Variants in LRP1B observed in about 807,000 individuals in gnomAD.
The protein encoded by LRP1B is LDL receptor related protein 1B.
Under a neutral mutation model 556.6 loss-of-function variants are expected in LRP1B, and 217 were observed. The ratio of observed to expected loss-of-function variants is 0.39; its 90% confidence interval spans 0.35 to 0.44. The LOEUF (loss-of-function observed/expected upper bound fraction) is 0.44. LRP1B is among the 20% of genes least tolerant of loss of function. The pLI is 1.00. For synonymous variants in LRP1B, 2,047 were observed against 1,865.8 expected, an observed-to-expected ratio of 1.10 and a Z score of -2.50; for missense variants, 5,053 against 5,620.8, an observed-to-expected ratio of 0.90 and a Z score of 3.23.
chr2:140,988,757 G>C (rs990707423), intron 17 of LRP1B, among the ~76,000 whole-genome samples: 10 of 152,088 alleles, frequency 6.6e-5, no homozygotes, highest in African/African-American at 2.4e-4. Flanking sequence ...GAGTTGATGG[G>C]GTGATTAATA....
chr2:140,506,997 A>G (rs1689445746), intron 52 of LRP1B, 79 bp from the exon 53 acceptor site: 1 of 1,399,410 alleles, frequency 7.1e-7, no homozygotes, highest in African/African-American at 1.5e-5. Flanking sequence ...TGGGGAATAT[A>G]TAAAATCATA....
intron 1 of LRP1B, among the ~76,000 whole-genome samples, chr2:141,919,845 A>T (rs1352410005): frequency 6.6e-6 from 1 of 152,032 alleles, no homozygotes; most frequent in African/African-American, 2.4e-5. Flanking sequence ...TGTTTATTCT[A>T]TGTGAACTTT....
chr2:141,534,745 G>A lies in LRP1B; in HGVS notation c.206-54212C>T, dbSNP rs530066891. ...GCCCAGAGGCTGCAAACTAAAAACAGAAGAGGAAATGTTGTACTGCATTTT... is the reference window on the plus strand; with the variant it reads ...GCCCAGAGGCTGCAAACTAAAAACAAAAGAGGAAATGTTGTACTGCATTTT... On this transcript the variant is annotated intron_variant, in intron 2 of 90. Coordinates refer to ENST00000389484, the MANE Select transcript of LRP1B (RefSeq NM_018557.3). Among the ~76,000 whole-genome samples the A allele has an allele frequency of 2.0e-5, 3 of 152,176 alleles. No homozygotes were observed. In the South Asian group the frequency reaches 6.2e-4, roughly 32 times the overall value.
chr2:141,660,012 G>A (rs2105393656), intron 2 of LRP1B, among the ~76,000 whole-genome samples: 1 of 152,224 alleles, frequency 6.6e-6, no homozygotes, highest in South Asian at 2.1e-4. Flanking sequence ...ATCCCATTAA[G>A]AATGTTTCCC....
intron 3 of LRP1B, among the ~76,000 whole-genome samples, chr2:141,281,334 T>C (rs1685501071): frequency 6.6e-6 from 1 of 151,976 alleles, no homozygotes; most frequent in African/African-American, 2.4e-5. Flanking sequence ...GTATCCCACC[T>C]GGGCCTATAA....
intron 41 of LRP1B, among the ~76,000 whole-genome samples, chr2:140,668,580 T>C (rs1685369367): frequency 6.6e-6 from 1 of 152,106 alleles, no homozygotes; most frequent in Non-Finnish European, 1.5e-5. Flanking sequence ...CTTCTGGACC[T>C]GCTATCGTTC....
chr2:140,754,431 A>G (rs1688677905), intron 35 of LRP1B, among the ~76,000 whole-genome samples: 1 of 152,196 alleles, frequency 6.6e-6, no homozygotes, highest in African/African-American at 2.4e-5. Context: ...TATGCTACCA[A>G]ACGAAAGGAT....
chr2:141,273,077 G>C (rs1573739473), intron 3 of LRP1B, among the ~76,000 whole-genome samples: 1 of 152,182 alleles, frequency 6.6e-6, no homozygotes, highest in East Asian at 1.9e-4. Flanking sequence ...TGGAGTCCAA[G>C]ATGGGTGGAT....
chr2:140,795,932 A>G (rs1357175432), intron 32 of LRP1B, among the ~76,000 whole-genome samples: 1 of 152,024 alleles, frequency 6.6e-6, no homozygotes, highest in African/African-American at 2.4e-5. Flanking sequence ...GATTATATTA[A>G]CTCAAACATC....
intron 18 of LRP1B, among the ~76,000 whole-genome samples, chr2:140,969,477 A>ATCC (rs35979880): frequency 0.85 from 128,582 of 151,890 alleles, 54,974 homozygotes; most frequent in Non-Finnish European, 0.9. Context: ...TTGACTCTTT[A>ATCC]AATTTGCCAG....
At chr2:140,842,749 C>T (rs1041770703) in intron 29 of LRP1B, among the ~76,000 whole-genome samples, 6 of 152,030 alleles carry the variant, frequency 3.9e-5, no homozygotes, top group Non-Finnish European at 7.4e-5. Context: ...TGCTGAGAGG[C>T]TGTATTGATG....
In LRP1B at chr2:140,274,468, C is replaced by G. The variant is rs2104951961; in HGVS notation, c.13098G>C (p.Gly4366=). 1 of 1,612,674 alleles carries G rather than the reference C, an allele frequency of 6.2e-7. No homozygotes were observed. Among genetic ancestry groups the G allele is most frequent in the East Asian group, 2.2e-5 (1 of 44,788 alleles). The change falls in exon 85 of 91, where the codon GGG becomes GGC. Residue 4366 remains glycine, a synonymous_variant. Coordinates refer to ENST00000389484, the MANE Select transcript of LRP1B (RefSeq NM_018557.3). ...CEVDKCVRCH[G]GHCIINKDSE... ...TGTCTTTATTTATAATGCAGTGCCCCCCATGGCACCTTACACACTTGTCAA... is the reference window on the plus strand; with the variant it reads ...TGTCTTTATTTATAATGCAGTGCCCGCCATGGCACCTTACACACTTGTCAA...
At chr2:140,838,076 C>T (rs930462206) in intron 31 of LRP1B, among the ~76,000 whole-genome samples, 7 of 150,968 alleles carry the variant, frequency 4.6e-5, no homozygotes, top group African/African-American at 1.7e-4. Flanking sequence ...TAAAAAAATT[C>T]TGAATAGGAA....
At chr2:140,473,200 T>C (rs570629682) in intron 60 of LRP1B, among the ~76,000 whole-genome samples, 2 of 152,092 alleles carry the variant, frequency 1.3e-5, no homozygotes, top group Non-Finnish European at 2.9e-5. Context: ...TACCAGATAA[T>C]TATTGGCCTG....
chr2:140,483,597 GACAC>G (rs1226188096), intron 59 of LRP1B, among the ~76,000 whole-genome samples: 23 of 118,506 alleles, frequency 1.9e-4, no homozygotes, highest in African/African-American at 5.0e-4. Flanking sequence ...CATATATATA[GACAC>G]ACACACACAC....
chr2:141,241,736 C>A (rs564059821), intron 5 of LRP1B, among the ~76,000 whole-genome samples: 3 of 152,072 alleles, frequency 2.0e-5, no homozygotes, highest in Admixed American at 6.6e-5. Flanking sequence ...TTTCTCTTTA[C>A]CACAGTGTTC....
At chr2:140,819,243 C>T (rs1472237155) in intron 31 of LRP1B, among the ~76,000 whole-genome samples, 1 of 152,148 alleles carries the variant, frequency 6.6e-6, no homozygotes, top group African/African-American at 2.4e-5. Context: ...TATTCTAAAG[C>T]TTGCAACCAT....
At chr2:141,987,141 A>C (rs1460057251) in intron 1 of LRP1B, among the ~76,000 whole-genome samples, 1 of 64,766 alleles carries the variant, frequency 1.5e-5, no homozygotes, top group Non-Finnish European at 3.0e-5. Flanking sequence ...TTAGAGCTGA[A>C]AGATAATACA....
intron 2 of LRP1B, among the ~76,000 whole-genome samples, chr2:141,656,466 T>C (rs1477448601): frequency 6.6e-6 from 1 of 152,164 alleles, no homozygotes; most frequent in African/African-American, 2.4e-5. Context: ...ATATTGAAAC[T>C]TGAATATCAG....
Sources: gnomAD v4.1 joint callset for allele counts (sites outside exome capture counted in the v4.1 genomes callset) on GRCh38, gnomAD v4.1.1 for gene constraint, MANE v1.5 for transcripts, NCBI Gene and HGNC (gene_info 2026-07-23, HGNC 2026-07-21) for gene names.